The following COL21A1 variants were observed in gnomAD, a reference collection of about 807,000 sequenced individuals.
COL21A1 encodes collagen type XXI alpha 1 chain.
In COL21A1, 149 loss-of-function variants were observed where a neutral mutation model predicts 137.9. That is an observed-to-expected ratio of 1.08 (90% CI 0.95 to 1.24). The LOEUF (loss-of-function observed/expected upper bound fraction) is 1.24, where lower values mean the gene tolerates loss of function less well. Ranked by LOEUF, COL21A1 falls within the 50% of genes most tolerant of loss-of-function variation. The pLI, the probability that COL21A1 is intolerant of heterozygous loss-of-function variation, is 0.00. For missense variants in COL21A1, 1,167 were observed against 1,158.4 expected, an observed-to-expected ratio of 1.01 and a Z score of -0.11; for synonymous variants, 456 against 391.5, an observed-to-expected ratio of 1.16 and a Z score of -1.95.
intron 1 of COL21A1, among the ~76,000 whole-genome samples, chr6:56,322,177 G>C (rs1764884984): frequency 6.6e-6 from 1 of 152,090 alleles, no homozygotes; most frequent in Non-Finnish European, 1.5e-5. Flanking sequence ...TTGCATCTGA[G>C]AGGTATGCTC....
At chr6:56,234,822 T>C (rs1040022820) in intron 1 of COL21A1, among the ~76,000 whole-genome samples, 2 of 151,876 alleles carry the variant, frequency 1.3e-5, no homozygotes, top group Non-Finnish European at 2.9e-5. Flanking sequence ...TCCTTTCTCC[T>C]GATTGGTCAT....
intron 1 of COL21A1, among the ~76,000 whole-genome samples, chr6:56,325,989 T>TATCATATTTA (rs1765076931): frequency 2.3e-4 from 2 of 8,664 alleles, no homozygotes; most frequent in East Asian, 0.015. Context: ...ATATAATATA[T>TATCATATTTA]GTATATACAT....
chr6:56,246,057 G>A (rs1562021601), intron 1 of COL21A1, among the ~76,000 whole-genome samples: 1 of 151,836 alleles, frequency 6.6e-6, no homozygotes, highest in Non-Finnish European at 1.5e-5. Flanking sequence ...CTTAGAAACA[G>A]CTGGAACTAT....
chr6:56,070,913 ATTGT>A lies in COL21A1; in HGVS notation c.1966-119_1966-116del, dbSNP rs1296396033. The A allele has an allele frequency of 3.7e-6, 3 of 816,422 alleles. No homozygotes were observed. The African/African-American group carries it at 5.5e-5, about 15-fold the overall frequency. The allele number at this position is 816,422 out of a possible 1,614,324, so 50.6% of individuals were successfully genotyped here. ...TAACTTTTACATTTTTAACTTTCCG[ATTGT>A]TTGATAGACTCTGTACATTAGACCT... On this transcript the variant is annotated intron_variant, in intron 20 of 29. Transcript: ENST00000244728.
chr6:56,268,619 G>C (rs6933768), intron 1 of COL21A1, among the ~76,000 whole-genome samples: 151,113 of 152,314 alleles, frequency 0.99, 74,968 homozygotes, highest in Middle Eastern at 1. Context: ...TGAAAGTACT[G>C]AGAAATGAAG....
At chr6:56,197,924 T>A (rs1779133258) in intron 1 of COL21A1, among the ~76,000 whole-genome samples, 1 of 152,100 alleles carries the variant, frequency 6.6e-6, no homozygotes, top group Non-Finnish European at 1.5e-5. Flanking sequence ...GCAGCATTAT[T>A]TACAGTAGCC....
rs1768274748 is a variant in COL21A1 at position 56,086,639 on chromosome 6, A to G, written c.1813-9066T>C. 2.6e-5 allele frequency among the ~76,000 whole-genome samples: 4 copies of G among 152,072 alleles called. No individual in the cohort carries two copies. In the South Asian group the frequency reaches 8.3e-4, roughly 31 times the overall value. On this transcript the variant is annotated intron_variant, in intron 17 of 29. Coordinates refer to ENST00000244728, the MANE Select transcript of COL21A1 (RefSeq NM_030820.4). ...GTTGGTCTTGCTGTCTCAAGGGGTG[A>G]CAGAGACAGATGTGGAAGGGGTAAA...
chr6:56,225,299 A>G (rs961122853), intron 1 of COL21A1, among the ~76,000 whole-genome samples: 1 of 152,076 alleles, frequency 6.6e-6, no homozygotes, highest in African/African-American at 2.4e-5. Flanking sequence ...GAAACTAACC[A>G]CTAGGTCAAC....
At chr6:56,073,753 C>A (rs1327670864) in intron 20 of COL21A1, among the ~76,000 whole-genome samples, 1 of 151,420 alleles carries the variant, frequency 6.6e-6, no homozygotes, top group Non-Finnish European at 1.5e-5. Context: ...TTAAGCTTGC[C>A]TTACTTATTT....
intron 28 of COL21A1, among the ~76,000 whole-genome samples, 174 bp from the exon 29 acceptor site, chr6:56,059,416 T>A (rs367613418): frequency 3.9e-5 from 6 of 151,932 alleles, no homozygotes; most frequent in Admixed American, 3.9e-4. Flanking sequence ...TCTAAAATGA[T>A]CAGTGGTTTA....
intron 1 of COL21A1, among the ~76,000 whole-genome samples, chr6:56,185,602 A>AT (rs1202658649): frequency 2.0e-5 from 3 of 151,078 alleles, no homozygotes; most frequent in African/African-American, 7.3e-5. Flanking sequence ...CGCCCGGCTA[A>AT]TTTTTTGTAT....
chr6:56,170,953 T>G lies in COL21A1; in HGVS notation c.809+7A>C. The G allele has an allele frequency of 6.3e-7, 1 of 1,599,894 alleles. No individual in the cohort carries two copies. The highest frequency in any genetic ancestry group is 1.1e-5 in the South Asian group (1 of 88,452). On this transcript the variant is annotated splice_region_variant and intron_variant, in intron 4 of 29. Transcript: ENST00000244728. ...CCAAAAAAGTTGTGTCAACATATAA[T>G]GCATACCTTGTGAGTTCTGATAAAT...
chr6:56,121,707 T>C (rs1187935481), intron 16 of COL21A1, among the ~76,000 whole-genome samples: 1 of 151,668 alleles, frequency 6.6e-6, no homozygotes, highest in Non-Finnish European at 1.5e-5. Context: ...GTGGAGATGT[T>C]GATCATGGGA....
Position 56,061,009 on chromosome 6 carries a change from C to T in COL21A1, c.2234G>A (p.Arg745Gln), listed in dbSNP as rs1554197993. 1.2e-5 allele frequency: 19 copies of T among 1,608,892 alleles called. No individual in the cohort carries two copies. Among genetic ancestry groups the T allele is most frequent in the Non-Finnish European group, 1.5e-5 (18 of 1,178,130 alleles). The change falls in exon 26 of 30, where the codon CGA becomes CAA. Residue 745 changes from arginine to glutamine, a missense_variant. Transcript: ENST00000244728. ...TTCTCCTTTTGATCCAATGGCACCT[C>T]GGACACCAGGTTCTCCCTTTTCACC... is the stretch of plus-strand genomic sequence containing the variant. ...ERGEKGEPGV[R>Q]GAIGSKGESG... is the part of the protein sequence containing the mutation.
chr6:56,283,664 A>C (rs1395185687), intron 1 of COL21A1, among the ~76,000 whole-genome samples: 1 of 152,212 alleles, frequency 6.6e-6, no homozygotes, highest in African/African-American at 2.4e-5. Flanking sequence ...CAAGAAAATG[A>C]GACCATTTTC....
intron 16 of COL21A1, among the ~76,000 whole-genome samples, chr6:56,102,899 A>ATTTG (rs201867294): frequency 0.55 from 83,347 of 151,682 alleles, 23,204 homozygotes; most frequent in East Asian, 0.79. Context: ...GAGGGAGAGA[A>ATTTG]GTTACTGCTA....
intron 1 of COL21A1, among the ~76,000 whole-genome samples, chr6:56,212,841 A>C (rs981239064): frequency 2.6e-5 from 4 of 152,074 alleles, no homozygotes; most frequent in African/African-American, 9.7e-5. Context: ...AGCATGAAAA[A>C]ATGAATGATA....
chr6:56,316,734 A>C (rs1764748171), intron 1 of COL21A1, among the ~76,000 whole-genome samples: 1 of 151,924 alleles, frequency 6.6e-6, no homozygotes, highest in East Asian at 1.9e-4. Flanking sequence ...CACCCACTTC[A>C]GCCTCCCAAA....
rs182043651 is a variant in COL21A1, at chr6:56,305,080, G to T, written c.-39+88891C>A. On this transcript the variant is annotated intron_variant, in intron 1 of 28. Coordinates refer to the COL21A1 transcript ENST00000370819. Reference sequence around the variant, plus strand: ...CTTAATCCTGAGTTCTAATTTGATTGCAGTGTGGTCTGAGAGACAGTTTGT... The same window carrying T: ...CTTAATCCTGAGTTCTAATTTGATTTCAGTGTGGTCTGAGAGACAGTTTGT... Among the ~76,000 whole-genome samples the T allele has an allele frequency of 1.7e-3, 253 of 152,336 alleles. 1 individual carries two copies. Among genetic ancestry groups the T allele is most frequent in the African/African-American group, 6.0e-3 (248 of 41,566 alleles).
Sources: allele counts gnomAD v4.1 joint callset (sites outside exome capture counted in the v4.1 genomes callset), GRCh38; gene constraint gnomAD v4.1.1; transcripts MANE v1.5; gene names NCBI Gene and HGNC (gene_info 2026-07-23, HGNC 2026-07-21).